The following HEATR5B variants were observed in gnomAD, a reference collection of about 807,000 sequenced individuals.
HEATR5B encodes HEAT repeat-containing protein 5B.
In HEATR5B, 156 loss-of-function variants were observed where a neutral mutation model predicts 224.1. The observed-to-expected ratio is 0.70, with a 90% CI of 0.61 to 0.80. HEATR5B has a LOEUF of 0.80. Among genes scored for constraint, HEATR5B ranks in the 30% least tolerant of loss-of-function variants. The pLI, the probability that HEATR5B is intolerant of heterozygous loss-of-function variation, is 0.00. For missense variants in HEATR5B, 2,323 were observed against 2,535.5 expected, an observed-to-expected ratio of 0.92 and a Z score of 1.80; for synonymous variants, 1,027 against 893.0, an observed-to-expected ratio of 1.15 and a Z score of -2.68.
At chr2:37,081,318 C>A (rs1031084464) in intron 2 of HEATR5B, among the ~76,000 whole-genome samples, 1 of 152,040 alleles carries the variant, frequency 6.6e-6, no homozygotes, top group African/African-American at 2.4e-5. Flanking sequence ...TGTGCTGCAC[C>A]CATTAACTCG....
chr2:37,005,500 T>C (rs1330587192), intron 30 of HEATR5B, 132 bp downstream of exon 30: 5 of 805,994 alleles, frequency 6.2e-6, no homozygotes, highest in Non-Finnish European at 7.9e-6. Flanking sequence ...GGTGAATAAA[T>C]ACAGGGAGTC....
chr2:36,997,426 C>T (rs775147356), intron 33 of HEATR5B, among the ~76,000 whole-genome samples: 107 of 152,144 alleles, frequency 7.0e-4, no homozygotes, highest in Non-Finnish European at 1.4e-3. Context: ...TCTGCTCAAG[C>T]GATCTACCTG....
At position 37,020,519 on chromosome 2, in the gene HEATR5B, C is replaced by A. The variant is rs1039810357; in HGVS notation, c.4035+136G>T. 9.3e-6 allele frequency: 5 copies of A among 537,026 alleles called. No individual in the cohort carries two copies. In the African/African-American group the frequency reaches 9.8e-5, roughly 11 times the overall value. 33.3% of individuals were successfully genotyped at this position (537,026 alleles called of 1,614,324 possible). On this transcript the variant is annotated intron_variant, in intron 25 of 35. Coordinates refer to ENST00000233099, the MANE Select transcript of HEATR5B (RefSeq NM_019024.3). ...GGGGTGACTAAAACTAGGTAACAGACAATGGAGATAAAGAGATGCATTCTA... is the reference window on the plus strand; with the variant it reads ...GGGGTGACTAAAACTAGGTAACAGAAAATGGAGATAAAGAGATGCATTCTA...
chr2:37,026,145 TGAA>T (rs1409063522), intron 24 of HEATR5B, among the ~76,000 whole-genome samples: 3 of 152,162 alleles, frequency 2.0e-5, no homozygotes, highest in Non-Finnish European at 4.4e-5. Context: ...ATGTGACGAC[TGAA>T]GAAGCATCAG....
chr2:37,043,747 G>A (rs1163553262), intron 18 of HEATR5B, among the ~76,000 whole-genome samples: 2 of 152,162 alleles, frequency 1.3e-5, no homozygotes, highest in African/African-American at 4.8e-5. Flanking sequence ...TTACAAAAGT[G>A]TCTTGAACCT....
At chr2:37,014,899 C>A (rs1668019776) in intron 26 of HEATR5B, among the ~76,000 whole-genome samples, 2 of 151,804 alleles carry the variant, frequency 1.3e-5, no homozygotes, top group Admixed American at 1.3e-4. Flanking sequence ...AGGAGAATCG[C>A]TAGGGAGCCA....
intron 3 of HEATR5B, among the ~76,000 whole-genome samples, chr2:37,078,458 ATGTG>A (rs546177980): frequency 9.6e-4 from 146 of 152,350 alleles, no homozygotes; most frequent in Non-Finnish European, 1.6e-3. Flanking sequence ...CTATAAAATT[ATGTG>A]TGTATTTGCT....
At position 37,008,774 on chromosome 2, in the gene HEATR5B, A is replaced by G. The variant is rs146430953; in HGVS notation, c.4359T>C (p.Asp1453=). ...KPKRAIKNTD[D]DDDDCGTIDE... is the part of the protein sequence containing the mutation. ...CGATGGTACCACAGTCGTCATCATC[A>G]TCGTCAGTATTTTTAATTGCTCTTT... Residue 1453 remains aspartate (D), a synonymous_variant, in exon 28 of 36, where the codon GAT becomes GAC. Transcript: ENST00000233099. 50 of 1,613,990 alleles carry G rather than the reference A, an allele frequency of 3.1e-5. No individual in the cohort carries two copies. Among genetic ancestry groups the G allele is most frequent in the Non-Finnish European group, 3.9e-5 (46 of 1,179,986 alleles).
intron 24 of HEATR5B, among the ~76,000 whole-genome samples, chr2:37,023,063 C>T (rs1052567474): frequency 6.6e-6 from 1 of 151,498 alleles, no homozygotes; most frequent in Non-Finnish European, 1.5e-5. Context: ...AATATGTTTC[C>T]TATGTTCAAA....
chr2:37,052,233 G>A (rs1189116462), intron 17 of HEATR5B, among the ~76,000 whole-genome samples: 4 of 152,092 alleles, frequency 2.6e-5, no homozygotes, highest in Non-Finnish European at 4.4e-5. Flanking sequence ...AGTATGATGC[G>A]CGAATCCTGT....
chr2:36,996,730 T>A (rs113904379), intron 33 of HEATR5B, among the ~76,000 whole-genome samples: 1 of 152,072 alleles, frequency 6.6e-6, no homozygotes, highest in Non-Finnish European at 1.5e-5. Flanking sequence ...GTAGCTGGGA[T>A]TACAGGCATG....
intron 33 of HEATR5B, among the ~76,000 whole-genome samples, chr2:36,996,308 C>T (rs1485633052): frequency 6.6e-6 from 1 of 151,982 alleles, no homozygotes; most frequent in Non-Finnish European, 1.5e-5. Context: ...ATTTGCCTGC[C>T]TTGGCCTCTC....
intron 8 of HEATR5B, among the ~76,000 whole-genome samples, chr2:37,066,318 C>G (rs1306008918): frequency 6.6e-6 from 1 of 152,140 alleles, no homozygotes; most frequent in Admixed American, 6.5e-5. Context: ...GGCTTACATG[C>G]CTATTTCAAA....
At chr2:37,009,585 GAAAA>G (rs371452433) in intron 27 of HEATR5B, among the ~76,000 whole-genome samples, 1 of 145,448 alleles carries the variant, frequency 6.9e-6, no homozygotes, top group Non-Finnish European at 1.5e-5. Context: ...CTCAAAAAAA[GAAAA>G]AAAAAAGTAT....
At chr2:37,002,697 T>C (rs1667172330) in intron 31 of HEATR5B, 125 bp from the exon 32 acceptor site, 1 of 926,894 alleles carries the variant, frequency 1.1e-6, no homozygotes, top group African/African-American at 1.7e-5. Flanking sequence ...CACACGTCCT[T>C]CTCTGTATAA....
chr2:37,047,093 C>T (rs1427608045), intron 18 of HEATR5B, among the ~76,000 whole-genome samples: 2 of 147,122 alleles, frequency 1.4e-5, no homozygotes, highest in Non-Finnish European at 3.0e-5. Context: ...CCTGTAATCC[C>T]AACTACTCAA....
Position 37,076,910 on chromosome 2 carries a change from C to T in HEATR5B, c.447+1G>A. On this transcript the variant is annotated splice_donor_variant, in intron 4 of 35. Coordinates refer to ENST00000233099, the MANE Select transcript of HEATR5B (RefSeq NM_019024.3). LOFTEE classifies it high-confidence loss of function. ...CAAATAATATTGGTTGTAAAACTTA[C>T]CTCTGCACTTTTCAGAGATTTCAAT... The T allele has an allele frequency of 6.3e-7, 1 of 1,598,626 alleles. No homozygotes were observed. The highest frequency in any genetic ancestry group is 8.6e-7 in the Non-Finnish European group (1 of 1,165,982).
At chr2:36,993,133 G>A (rs1484764714) in intron 33 of HEATR5B, among the ~76,000 whole-genome samples, 1 of 152,110 alleles carries the variant, frequency 6.6e-6, no homozygotes, top group Non-Finnish European at 1.5e-5. Flanking sequence ...AGAACAGTGA[G>A]GGGGAAATAC....
chr2:37,051,096 G>A (rs184216324), intron 17 of HEATR5B, among the ~76,000 whole-genome samples: 77 of 151,440 alleles, frequency 5.1e-4, no homozygotes, highest in African/African-American at 1.7e-3. Context: ...AGTGGCTCAC[G>A]CCTGTAATCC....
Sources: allele counts gnomAD v4.1 joint callset (sites outside exome capture counted in the v4.1 genomes callset), GRCh38; gene constraint gnomAD v4.1.1; transcripts MANE v1.5; gene names NCBI Gene and HGNC (gene_info 2026-07-23, HGNC 2026-07-21).